PTPRM: variants seen among roughly 807,000 people sequenced by gnomAD.
The protein encoded by PTPRM is receptor-type tyrosine-protein phosphatase mu.
A neutral mutation model predicts 186.7 loss-of-function variants in PTPRM; 47 were observed. That is an observed-to-expected ratio of 0.25 (90% CI 0.20 to 0.32). PTPRM has a LOEUF of 0.32. Ranked by LOEUF, PTPRM falls within the 10% of genes least tolerant of loss-of-function variation. The pLI is 1.00. For missense variants in PTPRM, 1,494 were observed against 1,865.0 expected (o/e 0.80, Z 3.66); for synonymous variants, 668 against 674.9 (o/e 0.99, Z 0.16).
At chr18:7,781,849 G>T (rs961823281) in intron 2 of PTPRM, among the ~76,000 whole-genome samples, 8 of 152,058 alleles carry the variant, frequency 5.3e-5, no homozygotes, top group African/African-American at 1.9e-4. Context: ...CTGAACCCAA[G>T]AAATGAAAAT....
chr18:7,673,928 A>G (rs556904754), intron 1 of PTPRM, among the ~76,000 whole-genome samples: 1 of 152,160 alleles, frequency 6.6e-6, no homozygotes, highest in Non-Finnish European at 1.5e-5. Flanking sequence ...GTTGCAAGGC[A>G]CTGGGTAGAG....
chr18:7,973,467 G>T lies in PTPRM; in HGVS notation c.1132+18053G>T, dbSNP rs528262955. ...AAATTATATGTTCTTGTTTTAATTC[G>T]CATTTCCTCTTTTCCATGCATGTAT... On this transcript the variant is annotated intron_variant, in intron 7 of 32. Transcript: ENST00000580170. 3.4e-4 allele frequency among the ~76,000 whole-genome samples: 52 copies of T among 152,026 alleles called. No individual in the cohort carries two copies. In the South Asian group the frequency reaches 6.0e-3, roughly 18 times the overall value.
At chr18:7,646,430 T>C (rs977192507) in intron 1 of PTPRM, among the ~76,000 whole-genome samples, 1 of 152,208 alleles carries the variant, frequency 6.6e-6, no homozygotes, top group East Asian at 1.9e-4. Flanking sequence ...ACATGGCTTT[T>C]ACTTTGATGT....
At chr18:8,386,721 T>C (rs1021319764) in intron 30 of PTPRM, among the ~76,000 whole-genome samples, 5 of 152,224 alleles carry the variant, frequency 3.3e-5, no homozygotes, top group African/African-American at 4.8e-5. Flanking sequence ...AGGTTATAAA[T>C]TATTCATTAC....
chr18:8,212,765 C>G (rs2094024949), intron 14 of PTPRM, among the ~76,000 whole-genome samples: 2 of 152,192 alleles, frequency 1.3e-5, no homozygotes, highest in Non-Finnish European at 2.9e-5. Context: ...TATGACTGAC[C>G]TCTGCGCTCT....
chr18:8,347,274 T>TA (rs2095510405), intron 23 of PTPRM, among the ~76,000 whole-genome samples: 1 of 152,208 alleles, frequency 6.6e-6, no homozygotes, highest in Non-Finnish European at 1.5e-5. Flanking sequence ...ACTGGATTTT[T>TA]AAAAATAAAG....
At chr18:7,636,229 A>G (rs2038309012) in intron 1 of PTPRM, among the ~76,000 whole-genome samples, 1 of 152,044 alleles carries the variant, frequency 6.6e-6, no homozygotes, top group South Asian at 2.1e-4. Flanking sequence ...GTAGGCATTC[A>G]AGGAAACTTG....
At chr18:8,029,923 T>G (rs1309733707) in intron 7 of PTPRM, among the ~76,000 whole-genome samples, 1 of 152,218 alleles carries the variant, frequency 6.6e-6, no homozygotes, top group Non-Finnish European at 1.5e-5. Context: ...GCCTCGGCCC[T>G]GTGATCCAGT....
At chr18:8,283,247 G>A (rs976705972) in intron 19 of PTPRM, among the ~76,000 whole-genome samples, 9 of 152,302 alleles carry the variant, frequency 5.9e-5, no homozygotes, top group South Asian at 2.1e-4. Flanking sequence ...GGGGAAAACC[G>A]AGGAATAAAT....
chr18:7,718,893 A>G (rs1234947052), intron 1 of PTPRM, among the ~76,000 whole-genome samples: 2 of 152,246 alleles, frequency 1.3e-5, no homozygotes, highest in Non-Finnish European at 2.9e-5. Flanking sequence ...AAATTAAAAA[A>G]TAATAGATGT....
intron 2 of PTPRM, among the ~76,000 whole-genome samples, chr18:7,803,103 T>C (rs757800105): frequency 3.3e-5 from 5 of 152,136 alleles, no homozygotes; most frequent in Non-Finnish European, 7.4e-5. Flanking sequence ...AGGAAGAATG[T>C]TCTAGATAAA....
At chr18:8,100,008 G>C (rs2091214901) in intron 11 of PTPRM, among the ~76,000 whole-genome samples, 1 of 152,086 alleles carries the variant, frequency 6.6e-6, no homozygotes, top group South Asian at 2.1e-4. Flanking sequence ...TTGGCTGCTG[G>C]GGAGGCCTCA....
intron 7 of PTPRM, among the ~76,000 whole-genome samples, chr18:8,021,040 A>G (rs2085186615): frequency 6.6e-6 from 1 of 152,192 alleles, no homozygotes; most frequent in Non-Finnish European, 1.5e-5. Flanking sequence ...AATGCCTGGG[A>G]TTCTGGTTGG....
Position 7,720,616 on chromosome 18 carries a change from C to T in PTPRM, c.74-53533C>T, listed in dbSNP as rs184188159. Among the ~76,000 whole-genome samples the T allele has an allele frequency of 2.0e-5, 3 of 152,170 alleles. No individual in the cohort carries two copies. The East Asian group carries it at 5.8e-4, about 29-fold the overall frequency. On this transcript the variant is annotated intron_variant, in intron 1 of 32. Coordinates refer to ENST00000580170, the MANE Select transcript of PTPRM (RefSeq NM_001105244.2). ...TCACCTTGCTAACCTGATTCTGTAC[C>T]CATTAACTAACTCCCAGCACCTCCC...
intron 7 of PTPRM, among the ~76,000 whole-genome samples, chr18:7,965,324 G>A (rs934612895): frequency 6.6e-6 from 1 of 152,134 alleles, no homozygotes; most frequent in African/African-American, 2.4e-5. Context: ...AGGATTACAT[G>A]CATGTGCCAC....
intron 7 of PTPRM, among the ~76,000 whole-genome samples, chr18:8,040,533 T>C (rs1240017972): frequency 6.6e-6 from 1 of 152,222 alleles, no homozygotes; most frequent in Non-Finnish European, 1.5e-5. Flanking sequence ...AACAGTGATA[T>C]GTATTTTTAT....
At chr18:7,856,161 T>C (rs2047083464) in intron 2 of PTPRM, among the ~76,000 whole-genome samples, 2 of 152,206 alleles carry the variant, frequency 1.3e-5, no homozygotes, top group South Asian at 4.1e-4. Flanking sequence ...TCCCTTCTAT[T>C]TTCCATGGGA....
chr18:7,760,488 T>C (rs1406172621), intron 1 of PTPRM, among the ~76,000 whole-genome samples: 3 of 152,200 alleles, frequency 2.0e-5, no homozygotes, highest in African/African-American at 7.2e-5. Context: ...GGGCCTGCGC[T>C]GGGTTCGCCC....
chr18:8,157,786 G>A (rs2093152899), intron 14 of PTPRM, among the ~76,000 whole-genome samples: 1 of 152,138 alleles, frequency 6.6e-6, no homozygotes, highest in Non-Finnish European at 1.5e-5. Context: ...CTTCTGAGTG[G>A]GCATGGCATT....
Sources: gnomAD v4.1 joint callset for allele counts (sites outside exome capture counted in the v4.1 genomes callset) on GRCh38, gnomAD v4.1.1 for gene constraint, MANE v1.5 for transcripts, NCBI Gene and HGNC (gene_info 2026-07-23, HGNC 2026-07-21) for gene names.